Variants in SIMC1 observed in about 807,000 individuals in gnomAD.
SIMC1 encodes the protein SUMO-interacting motif-containing protein 1.
Under a neutral mutation model 82.3 loss-of-function variants are expected in SIMC1, and 55 were observed. The observed-to-expected ratio is 0.67, with a 90% CI of 0.54 to 0.84. SIMC1 has a LOEUF of 0.84. Ranked by LOEUF, SIMC1 falls within the 40% of genes least tolerant of loss-of-function variation. SIMC1 has a pLI of 0.00. For missense variants in SIMC1, 915 were observed against 1,107.2 expected (o/e 0.83, Z 2.46); for synonymous variants, 353 against 426.3 (o/e 0.83, Z 2.12).
rs191300514 is a variant in SIMC1 at position 176,324,683 on chromosome 5, C to T, written c.2097C>T (p.Thr699=). ...CCATAGCCGTAGAGGTGGACAGGAC[C>T]CCCACCTGCAGCTCCAATAAAATTG... ...MLSIAVEVDR[T]PTCSSNKIAE... Residue 699 remains threonine (T), a synonymous_variant, in exon 7 of 10, where the codon ACC becomes ACT. Coordinates refer to ENST00000429602, the MANE Select transcript of SIMC1 (RefSeq NM_001308195.2). 116 of 1,608,370 alleles carry T rather than the reference C, an allele frequency of 7.2e-5. No individual in the cohort carries two copies. The East Asian group carries it at 2.4e-3, about 33-fold the overall frequency.
At chr5:176,274,632 G>A (rs1206520325) in intron 1 of SIMC1, among the ~76,000 whole-genome samples, 1 of 151,780 alleles carries the variant, frequency 6.6e-6, no homozygotes, top group Non-Finnish European at 1.5e-5. Context: ...GGTTTTTATG[G>A]TTTTAGGTCT....
At chr5:176,296,161 G>A (rs970180399) in intron 3 of SIMC1, 90 bp from the exon 4 acceptor site, 32 of 1,596,998 alleles carry the variant, frequency 2.0e-5, no homozygotes, top group African/African-American at 4.0e-5. Context: ...TGGAGGATAG[G>A]AAGAGGCTTC....
chr5:176,272,754 A>G (rs1048718372), intron 1 of SIMC1, among the ~76,000 whole-genome samples: 1 of 152,150 alleles, frequency 6.6e-6, no homozygotes, highest in Non-Finnish European at 1.5e-5. Flanking sequence ...TGCTTTTCCA[A>G]TGGTCTTAGC....
At chr5:176,258,249 T>C (rs915711043) in intron 1 of SIMC1, among the ~76,000 whole-genome samples, 9 of 152,080 alleles carry the variant, frequency 5.9e-5, no homozygotes, top group Non-Finnish European at 8.8e-5. Flanking sequence ...CCAGGTACCA[T>C]GTCAAGTGCT....
At chr5:176,319,578 C>T (rs1765068713) in intron 5 of SIMC1, among the ~76,000 whole-genome samples, 1 of 152,074 alleles carries the variant, frequency 6.6e-6, no homozygotes, top group Non-Finnish European at 1.5e-5. Flanking sequence ...GTAATCCTAG[C>T]ACTTTCAGGG....
intron 1 of SIMC1, among the ~76,000 whole-genome samples, chr5:176,241,511 G>A (rs1761273520): frequency 1.3e-5 from 2 of 150,244 alleles, no homozygotes; most frequent in South Asian, 4.2e-4. Flanking sequence ...TGTTTATTAA[G>A]TTCCTCTTAG....
chr5:176,276,887 G>A (rs1441768453), intron 1 of SIMC1, among the ~76,000 whole-genome samples: 1 of 149,596 alleles, frequency 6.7e-6, no homozygotes, highest in Non-Finnish European at 1.5e-5. Context: ...TTGCTATTGT[G>A]AATAATGCCG....
chr5:176,299,234 A>T (rs1763940535), intron 4 of SIMC1, among the ~76,000 whole-genome samples: 1 of 152,154 alleles, frequency 6.6e-6, no homozygotes, highest in Non-Finnish European at 1.5e-5. Flanking sequence ...GTCTCTAAAA[A>T]AGTTTTTTAC....
At chr5:176,282,161 G>T (rs1409294453) in intron 1 of SIMC1, among the ~76,000 whole-genome samples, 1 of 152,252 alleles carries the variant, frequency 6.6e-6, no homozygotes, top group East Asian at 1.9e-4. Context: ...CAGCCTCGCT[G>T]CCGCCTTGCA....
chr5:176,306,844 C>T (rs562356473), intron 4 of SIMC1, among the ~76,000 whole-genome samples: 150 of 151,558 alleles, frequency 9.9e-4, no homozygotes, highest in African/African-American at 3.6e-3. Flanking sequence ...GCTGACCTTC[C>T]CTCCACTGTT....
At position 176,290,794 on chromosome 5, in the gene SIMC1, C is replaced by T. The variant is rs764467501; in HGVS notation, c.1270C>T (p.Leu424=). 1.9e-6 allele frequency: 3 copies of T among 1,613,454 alleles called. No homozygotes were observed. Among genetic ancestry groups the T allele is most frequent in the South Asian group, 2.2e-5 (2 of 91,054 alleles). ...METPARKEIS[L]SEPAKPGSAH... ...AACCCCAGCCAGAAAAGAAATATCA[C>T]TGTCAGAGCCTGCCAAACCTGGGTC... Residue 424 remains leucine (L), a synonymous_variant, in exon 2 of 10, where the codon CTG becomes TTG. Coordinates refer to ENST00000429602, the MANE Select transcript of SIMC1 (RefSeq NM_001308195.2).
At chr5:176,342,334 C>G (rs1174655510) in intron 9 of SIMC1, among the ~76,000 whole-genome samples, 1 of 152,106 alleles carries the variant, frequency 6.6e-6, no homozygotes, top group Non-Finnish European at 1.5e-5. Flanking sequence ...TATAATGTGG[C>G]CTACCCTACC....
intron 1 of SIMC1, among the ~76,000 whole-genome samples, chr5:176,249,034 T>G (rs1429779386): frequency 6.6e-6 from 1 of 152,172 alleles, no homozygotes; most frequent in Admixed American, 6.5e-5. Flanking sequence ...TGCATCGATG[T>G]TCATCAGAGA....
At chr5:176,329,728 T>C (rs1374622602) in intron 7 of SIMC1, among the ~76,000 whole-genome samples, 2 of 152,180 alleles carry the variant, frequency 1.3e-5, no homozygotes, top group African/African-American at 2.4e-5. Context: ...GATATAGATA[T>C]ACAATTCAAA....
chr5:176,285,608 A>G (rs994727293), intron 1 of SIMC1, among the ~76,000 whole-genome samples: 21 of 151,496 alleles, frequency 1.4e-4, no homozygotes, highest in African/African-American at 4.8e-4. Context: ...CACCACTCCT[A>G]TTCAACATAG....
At position 176,296,325 on chromosome 5, in the gene SIMC1, C is replaced by T. The variant is rs1428476548; in HGVS notation, c.1734+5C>T. On this transcript the variant is annotated splice_donor_5th_base_variant and intron_variant, in intron 4 of 9. Transcript: ENST00000429602. ...ACCTATGTCATGGAGGAAGAGGTAACAACAATTATAAGATTATATCTTCTG... is the reference window on the plus strand; with the variant it reads ...ACCTATGTCATGGAGGAAGAGGTAATAACAATTATAAGATTATATCTTCTG... 1.2e-6 allele frequency: 2 copies of T among 1,612,968 alleles called. No homozygotes were observed. The highest frequency in any genetic ancestry group is 3.3e-5 in the Admixed American group (2 of 59,904).
At chr5:176,270,218 A>G (rs1762366852) in intron 1 of SIMC1, 1 of 152,056 alleles carries the variant, frequency 6.6e-6, no homozygotes, top group African/African-American at 2.4e-5. Flanking sequence ...AGAACAAAAA[A>G]TCATCATCAT....
intron 7 of SIMC1, among the ~76,000 whole-genome samples, chr5:176,331,961 T>A (rs760141488): frequency 6.6e-6 from 1 of 151,690 alleles, no homozygotes; most frequent in Non-Finnish European, 1.5e-5. Context: ...AGAGCAAGAC[T>A]GTCTAAAAAA....
intron 1 of SIMC1, among the ~76,000 whole-genome samples, chr5:176,288,147 C>A (rs1340595115): frequency 1.1e-4 from 16 of 152,216 alleles, no homozygotes; most frequent in Non-Finnish European, 1.9e-4. Flanking sequence ...GTGGCTCGTG[C>A]CTGTAATCCC....
Sources: gnomAD v4.1 joint callset for allele counts (sites outside exome capture counted in the v4.1 genomes callset) on GRCh38, gnomAD v4.1.1 for gene constraint, MANE v1.5 for transcripts, NCBI Gene and HGNC (gene_info 2026-07-23, HGNC 2026-07-21) for gene names.